Variants in PLPP3 observed in about 807,000 individuals in gnomAD.
The protein encoded by PLPP3 is PAP2 beta.
PLPP3 carries 6 observed loss-of-function variants against 29.6 expected under a neutral mutation model. The observed-to-expected ratio is 0.20, with a 90% confidence interval of 0.11 to 0.40. The LOEUF (loss-of-function observed/expected upper bound fraction) is 0.40, where lower values mean the gene tolerates loss of function less well. Among genes scored for constraint, PLPP3 ranks in the 10% least tolerant of loss-of-function variants. The probability of loss-of-function intolerance (pLI) is 1.00; values close to 1 mark genes in which losing one functional copy is unlikely to be tolerated. For synonymous variants in PLPP3, 152 were observed against 159.7 expected (o/e 0.95, Z 0.36); for missense variants, 308 against 407.7 (o/e 0.76, Z 2.11).
At chr1:56,536,884 A>T in intron 2 of PLPP3, 71 bp downstream of exon 2, 1 of 1,568,788 alleles carries the variant, frequency 6.4e-7, no homozygotes. Context: ...CTGTTGGCTC[A>T]GACATTCTAT....
intron 4 of PLPP3, among the ~76,000 whole-genome samples, chr1:56,520,910 C>CAAAAA (rs1169318077): frequency 2.6e-4 from 16 of 61,910 alleles, no homozygotes; most frequent in East Asian, 5.7e-4. Context: ...GACTCCATCT[C>CAAAAA]AAAAAAAAAA....
chr1:56,579,215 G>T lies in PLPP3; in HGVS notation c.-199C>A. 1.7e-6 allele frequency: 1 copy of T among 595,608 alleles called. No homozygotes were observed. Among genetic ancestry groups the T allele is most frequent in the Non-Finnish European group, 2.8e-6 (1 of 359,956 alleles). 36.9% of individuals were successfully genotyped at this position (595,608 alleles called of 1,614,324 possible). A position where few individuals can be genotyped will look rare whatever the true frequency, so the allele number is the denominator to read the frequency against. ...GAAGGTGGTGTTTTCTGCTCCTCCT[G>T]CGCGCCTCTGCTTTCCTCTGTCAAC... is the stretch of plus-strand genomic sequence containing the variant. On this transcript the variant is annotated 5_prime_UTR_variant, in exon 1 of 6. Coordinates refer to ENST00000371250, the MANE Select transcript of PLPP3 (RefSeq NM_003713.5).
At chr1:56,538,274 C>T (rs542993898) in intron 1 of PLPP3, among the ~76,000 whole-genome samples, 15 of 152,312 alleles carry the variant, frequency 9.8e-5, no homozygotes, top group Non-Finnish European at 1.6e-4. Context: ...TGGATTCATG[C>T]TATTCTCTTA....
In PLPP3 at chr1:56,533,278, C is replaced by T. The variant is rs542850882; in HGVS notation, c.297+3677G>A. On this transcript the variant is annotated intron_variant, in intron 2 of 5. Transcript: ENST00000371250. Reference sequence around the variant, plus strand: ...CCATGTTGACCAGGCTGGTCTCGGACTCCTGACCTCAAGTGATCCACCTGC... The same window carrying T: ...CCATGTTGACCAGGCTGGTCTCGGATTCCTGACCTCAAGTGATCCACCTGC... Among the ~76,000 whole-genome samples the T allele has an allele frequency of 1.9e-3, 292 of 152,240 alleles. 1 individual carries two copies. Among genetic ancestry groups the T allele is most frequent in the Non-Finnish European group, 2.4e-3 (164 of 68,012 alleles).
chr1:56,542,102 G>A (rs760807183), intron 1 of PLPP3, among the ~76,000 whole-genome samples: 1 of 152,016 alleles, frequency 6.6e-6, no homozygotes, highest in Non-Finnish European at 1.5e-5. Flanking sequence ...TGCAGAGGAG[G>A]TGAAATATGA....
chr1:56,530,130 T>G (rs1001974827), intron 2 of PLPP3, among the ~76,000 whole-genome samples: 6 of 151,940 alleles, frequency 3.9e-5, no homozygotes, highest in African/African-American at 1.2e-4. Flanking sequence ...TTTTTTACCT[T>G]GAATTTCCTA....
chr1:56,538,985 A>T (rs200704255), intron 1 of PLPP3: 2 of 149,772 alleles, frequency 1.3e-5, no homozygotes, highest in Non-Finnish European at 1.5e-5. Flanking sequence ...AGTGGATAAT[A>T]CAGCCACTAT....
At chr1:56,539,523 T>C (rs979542431) in intron 1 of PLPP3, among the ~76,000 whole-genome samples, 2 of 152,206 alleles carry the variant, frequency 1.3e-5, no homozygotes, top group Non-Finnish European at 2.9e-5. Context: ...ATTTACTTTA[T>C]CAAATTCATA....
intron 1 of PLPP3, among the ~76,000 whole-genome samples, chr1:56,574,802 T>G (rs1052099927): frequency 6.6e-6 from 1 of 152,200 alleles, no homozygotes; most frequent in Non-Finnish European, 1.5e-5. Context: ...AACAATTCAA[T>G]TAATGACAAA....
chr1:56,498,471 C>T lies in PLPP3; in HGVS notation c.811-1795G>A, dbSNP rs139716948. Among the ~76,000 whole-genome samples the T allele has an allele frequency of 5.7e-3, 870 of 152,074 alleles. 9 individuals carry two copies. The highest frequency in any genetic ancestry group is 0.02 in the African/African-American group (834 of 41,494). On this transcript the variant is annotated intron_variant, in intron 5 of 5. Coordinates refer to ENST00000371250, the MANE Select transcript of PLPP3 (RefSeq NM_003713.5). ...GCCCCAGCCCCAGCTCCACATTTTC[C>T]CTTATCTCCCCCAGTGGCCTTACTT... is the stretch of plus-strand genomic sequence containing the variant.
At chr1:56,540,941 T>C (rs2100271068) in intron 1 of PLPP3, among the ~76,000 whole-genome samples, 1 of 152,308 alleles carries the variant, frequency 6.6e-6, no homozygotes. Context: ...CCAATTACTA[T>C]AGTCCCTTAT....
intron 1 of PLPP3, among the ~76,000 whole-genome samples, chr1:56,540,348 A>G (rs1645959743): frequency 6.6e-6 from 1 of 152,216 alleles, no homozygotes; most frequent in South Asian, 2.1e-4. Context: ...TATCATCAAA[A>G]TCAGTTGAGA....
intron 5 of PLPP3, among the ~76,000 whole-genome samples, chr1:56,505,794 G>C (rs1255923994): frequency 6.6e-6 from 1 of 152,180 alleles, no homozygotes; most frequent in African/African-American, 2.4e-5. Context: ...GTAGTTTTAA[G>C]TTTTGAGGGA....
In PLPP3 at chr1:56,571,444, G is replaced by A. The variant is rs369346286; in HGVS notation, c.139+7434C>T. On this transcript the variant is annotated intron_variant, in intron 1 of 5. Transcript: ENST00000371250. ...AGACTCCAGTCTGACTCCAAAGCCC[G>A]TGCTATTCCCCTCACACCTCTCTCC... Among the ~76,000 whole-genome samples, 46 of 152,192 alleles carry A rather than the reference G, an allele frequency of 3.0e-4. 2 individuals carry two copies. The East Asian group carries it at 7.5e-3, about 25-fold the overall frequency.
At chr1:56,542,421 G>T (rs527678942) in intron 1 of PLPP3, among the ~76,000 whole-genome samples, 2 of 152,250 alleles carry the variant, frequency 1.3e-5, no homozygotes, top group African/African-American at 4.8e-5. Flanking sequence ...CCTTGGTGAG[G>T]CTAAGAAGAG....
At chr1:56,534,235 T>G (rs1190356063) in intron 2 of PLPP3, among the ~76,000 whole-genome samples, 2 of 152,200 alleles carry the variant, frequency 1.3e-5, no homozygotes, top group African/African-American at 4.8e-5. Flanking sequence ...TAGGAACCAT[T>G]GCTTTGTGGA....
intron 4 of PLPP3, 139 bp downstream of exon 4, chr1:56,523,684 A>T: frequency 1.1e-6 from 1 of 924,486 alleles, no homozygotes; most frequent in Non-Finnish European, 1.7e-6. Flanking sequence ...GCTCAGAATT[A>T]AACCTAACTT....
At chr1:56,503,415 G>A (rs950889644) in intron 5 of PLPP3, among the ~76,000 whole-genome samples, 1 of 152,158 alleles carries the variant, frequency 6.6e-6, no homozygotes, top group Non-Finnish European at 1.5e-5. Flanking sequence ...CCGGCTGGCC[G>A]CGGTGGCTCA....
chr1:56,541,752 A>C (rs1303760215), intron 1 of PLPP3, among the ~76,000 whole-genome samples: 1 of 152,150 alleles, frequency 6.6e-6, no homozygotes, highest in African/African-American at 2.4e-5. Flanking sequence ...AGTATTAGTA[A>C]ATTAACTGAA....
Sources: allele counts gnomAD v4.1 joint callset (sites outside exome capture counted in the v4.1 genomes callset), GRCh38; gene constraint gnomAD v4.1.1; transcripts MANE v1.5; gene names NCBI Gene and HGNC (gene_info 2026-07-23, HGNC 2026-07-21).